Variants in FA2H observed in about 807,000 individuals in gnomAD.
The protein encoded by FA2H is fatty acid alpha-hydroxylase.
Under a neutral mutation model 44.9 loss-of-function variants are expected in FA2H, and 22 were observed. That is an observed-to-expected ratio of 0.49 (90% CI 0.35 to 0.70). The LOEUF (loss-of-function observed/expected upper bound fraction) is 0.70, where lower values mean the gene tolerates loss of function less well. Among genes scored for constraint, FA2H ranks in the 30% least tolerant of loss-of-function variants. The pLI, the probability that FA2H is intolerant of heterozygous loss-of-function variation, is 0.01. For synonymous variants in FA2H, 243 were observed against 213.2 expected (o/e 1.14, Z -1.22); for missense variants, 501 against 504.9 (o/e 0.99, Z 0.07).
intron 1 of FA2H, among the ~76,000 whole-genome samples, chr16:74,744,940 T>G (rs1411260169): frequency 2.0e-5 from 3 of 152,070 alleles, no homozygotes; most frequent in Non-Finnish European, 2.9e-5. Flanking sequence ...AGTGAACAAT[T>G]TTGTAGTTAG....
intron 1 of FA2H, among the ~76,000 whole-genome samples, chr16:74,755,537 A>G (rs1421483028): frequency 6.6e-6 from 1 of 152,126 alleles, no homozygotes; most frequent in East Asian, 1.9e-4. Context: ...GCATATAACC[A>G]TTCATGTGCT....
At chr16:74,750,229 G>A (rs993460588) in intron 1 of FA2H, among the ~76,000 whole-genome samples, 1 of 152,094 alleles carries the variant, frequency 6.6e-6, no homozygotes, top group Non-Finnish European at 1.5e-5. Flanking sequence ...GAAAATACAC[G>A]TACGACACCT....
chr16:74,720,180 C>CTTTTTTTTTTTTTTTTTTTTTTTTTTTTT (rs56341013), intron 4 of FA2H, among the ~76,000 whole-genome samples: 2 of 47,198 alleles, frequency 4.2e-5, no homozygotes, highest in Non-Finnish European at 7.3e-5. Context: ...CATCCTCATC[C>CTTTTTTTTTTTTTTTTTTTTTTTTTTTTT]TTTTTTTTTT....
In FA2H at chr16:74,716,523, A is replaced by G. The variant is rs764638921; in HGVS notation, c.863T>C (p.Met288Thr). ...TACTGCCTCGGGCAGGATGAGCTGC[A>G]TGCACAAGTAGAAGACGCCGATCAC... Reference protein sequence around the residue: ...SLVIGVFYLCMQLILPEAVGG... With the variant: ...SLVIGVFYLCTQLILPEAVGG... The change falls in exon 6 of 7, where the codon ATG (methionine) becomes ACG (threonine). Residue 288 changes from methionine to threonine, a missense_variant. Met to Thr is a moderately conservative substitution (Grantham distance 81). Coordinates refer to ENST00000219368, the MANE Select transcript of FA2H (RefSeq NM_024306.5). The G allele has an allele frequency of 1.9e-6, 3 of 1,612,928 alleles. No individual in the cohort carries two copies. Among genetic ancestry groups the G allele is most frequent in the Middle Eastern group, 1.7e-4 (1 of 6,058 alleles).
At chr16:74,763,713 C>CT (rs397721412) in intron 1 of FA2H, among the ~76,000 whole-genome samples, 2 of 152,098 alleles carry the variant, frequency 1.3e-5, no homozygotes, top group Non-Finnish European at 2.9e-5. Flanking sequence ...TCTACTCCCC[C>CT]TCTTAAAGGA....
chr16:74,732,099 G>C (rs1962081505), intron 2 of FA2H, among the ~76,000 whole-genome samples: 2 of 152,192 alleles, frequency 1.3e-5, no homozygotes, highest in Non-Finnish European at 2.9e-5. Context: ...GTGTAGGCTG[G>C]TCTCGAGCTC....
At position 74,726,252 on chromosome 16, in the gene FA2H, C is replaced by T. The variant is rs565757665; in HGVS notation, c.586G>A (p.Val196Ile). ...GTTGTAAATGACGTGAAGAGTCGGA[C>T]GTTGCCCTGGGCAAAGGTTCGGTAG... ...SYYRTFAQGNVRLFTSFTTEY... is the reference protein window; with the variant it reads ...SYYRTFAQGNIRLFTSFTTEY... The change falls in exon 4 of 7, where the codon GTC becomes ATC. Residue 196 changes from valine (V) to isoleucine (I), a missense_variant. Val to Ile is a conservative substitution (Grantham distance 29, BLOSUM62 3). Transcript: ENST00000219368. The T allele has an allele frequency of 4.3e-6, 7 of 1,613,838 alleles. No homozygotes were observed. The highest frequency in any genetic ancestry group is 1.7e-4 in the Middle Eastern group (1 of 6,060).
At chr16:74,762,089 C>T (rs1225272634) in intron 1 of FA2H, among the ~76,000 whole-genome samples, 1 of 152,116 alleles carries the variant, frequency 6.6e-6, no homozygotes, top group Non-Finnish European at 1.5e-5. Flanking sequence ...GTCACCCAGG[C>T]TGGAGTGCAG....
At chr16:74,728,998 G>C (rs1327558275) in intron 2 of FA2H, among the ~76,000 whole-genome samples, 4 of 101,272 alleles carry the variant, frequency 3.9e-5, no homozygotes, top group Non-Finnish European at 7.9e-5. Context: ...GGCCAGGATG[G>C]TCTTGATTTT....
intron 2 of FA2H, among the ~76,000 whole-genome samples, chr16:74,735,123 G>A (rs1962155698): frequency 2.0e-5 from 3 of 152,190 alleles, no homozygotes; most frequent in South Asian, 4.1e-4. Context: ...TCAGATGTTC[G>A]GCTGCATATG....
intron 4 of FA2H, among the ~76,000 whole-genome samples, chr16:74,721,964 C>A (rs1181020166): frequency 6.6e-6 from 1 of 152,244 alleles, no homozygotes; most frequent in African/African-American, 2.4e-5. Context: ...CAAGGGCCTT[C>A]CATGGATTAC....
Position 74,716,644 on chromosome 16 carries a change from C to T in FA2H, c.787-45G>A, listed in dbSNP as rs374680337. 184 of 1,516,892 alleles carry T rather than the reference C, an allele frequency of 1.2e-4. No homozygotes were observed. In the African/African-American group the frequency reaches 1.9e-3, roughly 16 times the overall value. The allele number at this position is 1,516,892 out of a possible 1,614,324, so 94.0% of individuals were successfully genotyped here. A position where few individuals can be genotyped will look rare whatever the true frequency, so the allele number is the denominator to read the frequency against. On this transcript the variant is annotated intron_variant, in intron 5 of 6. Coordinates refer to ENST00000219368, the MANE Select transcript of FA2H (RefSeq NM_024306.5). ...GGCATCAGGAGGCAGCCAGGGGCCC[C>T]GGCAGCTGGCCAAACCCTGGCCACT...
chr16:74,714,380 GT>G (rs1961648184), intron 6 of FA2H, 111 bp from the exon 7 acceptor site: 2 of 758,324 alleles, frequency 2.6e-6, no homozygotes, highest in Admixed American at 4.0e-5. Flanking sequence ...GTCAATATCT[GT>G]CCCCTTGGCC....
At position 74,774,531 on chromosome 16, in the gene FA2H, G is replaced by A; in HGVS notation, c.225C>T (p.Arg75=). The A allele has an allele frequency of 6.5e-7, 1 of 1,545,850 alleles. No individual in the cohort carries two copies. Among genetic ancestry groups the A allele is most frequent in the Non-Finnish European group, 8.7e-7 (1 of 1,155,608 alleles). The change falls in exon 1 of 7, where the codon CGC becomes CGT. Residue 75 remains arginine, a synonymous_variant. Coordinates refer to ENST00000219368, the MANE Select transcript of FA2H (RefSeq NM_024306.5). ...CTCCCACGTAGTACTGCTCCAGCCA[G>A]CGGCGCGCGTTGGCCGAGTGCCTGT... is the stretch of plus-strand genomic sequence containing the variant. ...PPHRHSANAR[R]WLEQYYVGEL...
At chr16:74,754,761 C>A (rs1350341428) in intron 1 of FA2H, among the ~76,000 whole-genome samples, 1 of 152,116 alleles carries the variant, frequency 6.6e-6, no homozygotes, top group South Asian at 2.1e-4. Context: ...CTTCTGGGCT[C>A]AAGTGACCCT....
intron 2 of FA2H, among the ~76,000 whole-genome samples, chr16:74,739,202 C>T (rs1394012339): frequency 5.9e-5 from 9 of 152,124 alleles, no homozygotes; most frequent in African/African-American, 2.2e-4. Flanking sequence ...TGTGAGCTCT[C>T]GCAGGGAGGG....
At chr16:74,730,916 T>G (rs1381585675) in intron 2 of FA2H, among the ~76,000 whole-genome samples, 1 of 152,180 alleles carries the variant, frequency 6.6e-6, no homozygotes, top group East Asian at 1.9e-4. Flanking sequence ...GTCTCCTTGA[T>G]GAGTTGGCCC....
At chr16:74,768,713 T>C (rs1962852445) in intron 1 of FA2H, among the ~76,000 whole-genome samples, 1 of 152,126 alleles carries the variant, frequency 6.6e-6, no homozygotes, top group Admixed American at 6.6e-5. Flanking sequence ...TTAGATCTCC[T>C]CCTTATTGTC....
intron 1 of FA2H, among the ~76,000 whole-genome samples, chr16:74,769,694 C>G (rs981402769): frequency 2.6e-5 from 4 of 152,180 alleles, no homozygotes; most frequent in African/African-American, 9.7e-5. Flanking sequence ...CTTTCCTTGT[C>G]TATTTCTTTT....
Sources: gnomAD v4.1 joint callset for allele counts (sites outside exome capture counted in the v4.1 genomes callset) on GRCh38, gnomAD v4.1.1 for gene constraint, MANE v1.5 for transcripts, NCBI Gene and HGNC (gene_info 2026-07-23, HGNC 2026-07-21) for gene names.